Variants in DLGAP2 observed in about 807,000 individuals in gnomAD.
DLGAP2 encodes DLG associated protein 2.
In DLGAP2, 26 loss-of-function variants were observed where a neutral mutation model predicts 100.3. That is an observed-to-expected ratio of 0.26 (90% confidence interval 0.19 to 0.36). DLGAP2 has a LOEUF of 0.36. Among genes scored for constraint, DLGAP2 ranks in the 10% least tolerant of loss-of-function variants. The pLI is 1.00. For missense variants in DLGAP2, 1,858 were observed against 1,453.2 expected (o/e 1.28, Z -4.53); for synonymous variants, 886 against 630.1 (o/e 1.41, Z -6.08).
At position 1,705,555 on chromosome 8, in the gene DLGAP2, G is replaced by T. The variant is rs1039465403; in HGVS notation, c.*4149G>T. ...GCATTGTCCAAAACAGCGCTGGTTCGGGGAGGGCCCCTGGATACTGCCTTT... is the reference window on the plus strand; with the variant it reads ...GCATTGTCCAAAACAGCGCTGGTTCTGGGAGGGCCCCTGGATACTGCCTTT... On this transcript the variant is annotated 3_prime_UTR_variant, in exon 15 of 15. Transcript: ENST00000637795. 6.6e-6 allele frequency: 1 copy of T among 152,268 alleles called. No individual in the cohort carries two copies. Among genetic ancestry groups the T allele is most frequent in the African/African-American group, 2.4e-5 (1 of 41,458 alleles). 9.4% of individuals were successfully genotyped at this position (152,268 alleles called of 1,614,324 possible). A position where few individuals can be genotyped will look rare whatever the true frequency, so the allele number is the denominator to read the frequency against.
At chr8:1,425,819 G>C (rs566781602) in intron 3 of DLGAP2, among the ~76,000 whole-genome samples, 51 of 152,320 alleles carry the variant, frequency 3.3e-4, no homozygotes, top group African/African-American at 1.2e-3. Context: ...GCCCTAGACC[G>C]AGAAACAGAG....
intron 1 of DLGAP2, among the ~76,000 whole-genome samples, chr8:827,281 T>C (rs965831863): frequency 2.6e-5 from 4 of 152,222 alleles, no homozygotes; most frequent in African/African-American, 9.6e-5. Context: ...GGAGATAATA[T>C]AACCTTGATA....
intron 2 of DLGAP2, among the ~76,000 whole-genome samples, chr8:1,196,446 A>G (rs887984184): frequency 6.6e-6 from 1 of 152,208 alleles, no homozygotes; most frequent in East Asian, 1.9e-4. Flanking sequence ...TGAACGAGAC[A>G]GTGATCCTGT....
At chr8:1,205,134 G>A (rs539297983) in intron 2 of DLGAP2, among the ~76,000 whole-genome samples, 29 of 152,284 alleles carry the variant, frequency 1.9e-4, no homozygotes, top group South Asian at 1.9e-3. Context: ...TGCATCTCAC[G>A]TCCCTTGTCC....
At chr8:1,636,153 G>C (rs964240868) in intron 8 of DLGAP2, among the ~76,000 whole-genome samples, 1 of 152,160 alleles carries the variant, frequency 6.6e-6, no homozygotes, top group Non-Finnish European at 1.5e-5. Flanking sequence ...TTATCGGATT[G>C]CTTTACTTGT....
At position 1,506,582 on chromosome 8, in the gene DLGAP2, C is replaced by T. The variant is rs147848420; in HGVS notation, c.172+5151C>T. ...TGCATACAGCGTAAAAATTAAGCAT[C>T]CACACTGCCCAAGACGATCTCAGCA... is the stretch of plus-strand genomic sequence containing the variant. On this transcript the variant is annotated intron_variant, in intron 4 of 14. Coordinates refer to ENST00000637795, the MANE Select transcript of DLGAP2 (RefSeq NM_001346810.2). Among the ~76,000 whole-genome samples, 366 of 152,282 alleles carry T rather than the reference C, an allele frequency of 2.4e-3. 1 individual carries two copies. Among genetic ancestry groups the T allele is most frequent in the African/African-American group, 8.2e-3 (341 of 41,550 alleles).
intron 3 of DLGAP2, among the ~76,000 whole-genome samples, chr8:1,294,165 T>A (rs1179134852): frequency 6.6e-6 from 1 of 152,176 alleles, no homozygotes; most frequent in East Asian, 1.9e-4. Flanking sequence ...GAGCTGGTCT[T>A]CCCTCAGGGT....
chr8:792,757 A>T (rs957559039), intron 1 of DLGAP2, among the ~76,000 whole-genome samples: 7 of 152,200 alleles, frequency 4.6e-5, no homozygotes, highest in Admixed American at 4.6e-4. Context: ...CCCATTTTGT[A>T]AGTTTTGAAT....
At chr8:969,100 A>G (rs1379811697) in intron 2 of DLGAP2, among the ~76,000 whole-genome samples, 1 of 152,146 alleles carries the variant, frequency 6.6e-6, no homozygotes, top group Non-Finnish European at 1.5e-5. Flanking sequence ...TGAGAGTCTC[A>G]TGATAATTTT....
chr8:1,081,827 CAAAG>C (rs1449334542), intron 2 of DLGAP2, among the ~76,000 whole-genome samples: 1 of 152,086 alleles, frequency 6.6e-6, no homozygotes, highest in Non-Finnish European at 1.5e-5. Flanking sequence ...CCCACAGCGA[CAAAG>C]AAGAAAAGAA....
intron 1 of DLGAP2, among the ~76,000 whole-genome samples, chr8:748,256 G>A (rs1342398115): frequency 2.0e-5 from 3 of 151,076 alleles, no homozygotes; most frequent in Non-Finnish European, 3.0e-5. Flanking sequence ...GCGGTGGGAT[G>A]GGGCCGGCCT....
intron 3 of DLGAP2, among the ~76,000 whole-genome samples, chr8:1,269,212 T>A (rs1313618562): frequency 1.3e-5 from 2 of 152,216 alleles, no homozygotes; most frequent in Non-Finnish European, 2.9e-5. Context: ...TTTCTTGATT[T>A]TCCTGCCTGC....
intron 3 of DLGAP2, among the ~76,000 whole-genome samples, chr8:1,339,755 C>G (rs1317988382): frequency 6.6e-6 from 1 of 152,160 alleles, no homozygotes; most frequent in Non-Finnish European, 1.5e-5. Context: ...CTGCCCTGCG[C>G]TGTGTGTTCC....
chr8:893,334 C>G (rs1433281928), intron 1 of DLGAP2, among the ~76,000 whole-genome samples: 1 of 152,254 alleles, frequency 6.6e-6, no homozygotes, highest in East Asian at 1.9e-4. Context: ...AGACCCTGAA[C>G]TGCTGGGTGC....
intron 2 of DLGAP2, among the ~76,000 whole-genome samples, chr8:988,046 G>A (rs1800537925): frequency 1.3e-5 from 2 of 152,094 alleles, no homozygotes; most frequent in African/African-American, 4.8e-5. Context: ...ACCTGACTGG[G>A]GAGGAAACTG....
intron 1 of DLGAP2, among the ~76,000 whole-genome samples, chr8:742,324 T>TA (rs1321376355): frequency 6.6e-6 from 1 of 152,370 alleles, no homozygotes; most frequent in Non-Finnish European, 1.5e-5. Context: ...AAACTTGTGT[T>TA]AAAAATTTTT....
chr8:1,567,050 A>G (rs1220972229), intron 6 of DLGAP2, among the ~76,000 whole-genome samples: 1 of 152,176 alleles, frequency 6.6e-6, no homozygotes, highest in Non-Finnish European at 1.5e-5. Context: ...CAAAGCCAAA[A>G]TGTTGCCCTG....
At chr8:1,341,051 A>T (rs957296570) in intron 3 of DLGAP2, among the ~76,000 whole-genome samples, 2 of 152,112 alleles carry the variant, frequency 1.3e-5, no homozygotes, top group Admixed American at 6.6e-5. Flanking sequence ...ACGGACACAT[A>T]GAGGGGAACA....
At chr8:1,618,745 C>G (rs1797236297) in intron 6 of DLGAP2, among the ~76,000 whole-genome samples, 1 of 152,142 alleles carries the variant, frequency 6.6e-6, no homozygotes, top group African/African-American at 2.4e-5. Flanking sequence ...AGACAATTGT[C>G]TCTCATTGGG....
Sources: allele counts gnomAD v4.1 joint callset (sites outside exome capture counted in the v4.1 genomes callset), GRCh38; gene constraint gnomAD v4.1.1; transcripts MANE v1.5; gene names NCBI Gene and HGNC (gene_info 2026-07-23, HGNC 2026-07-21).